The following CELF4 variants were observed in gnomAD, a reference collection of about 807,000 sequenced individuals.
CELF4 encodes the protein CUGBP Elav-like family member 4.
A neutral mutation model predicts 59.9 loss-of-function variants in CELF4; 18 were observed. The observed-to-expected ratio is 0.30, with a 90% CI of 0.21 to 0.45. The LOEUF is 0.45. CELF4 is among the 20% of genes least tolerant of loss of function. The pLI, the probability that CELF4 is intolerant of heterozygous loss-of-function variation, is 1.00. For synonymous variants in CELF4, 261 were observed against 267.1 expected (o/e 0.98, Z 0.22); for missense variants, 456 against 689.0 (o/e 0.66, Z 3.79).
intron 10 of CELF4, among the ~76,000 whole-genome samples, chr18:37,261,555 C>T (rs1287695791): frequency 6.6e-6 from 1 of 152,222 alleles, no homozygotes; most frequent in East Asian, 1.9e-4. Flanking sequence ...CTAACTCCAG[C>T]TACCGCCAAG....
At chr18:37,264,609 G>A in intron 10 of CELF4, 65 bp downstream of exon 10, 1 of 1,398,010 alleles carries the variant, frequency 7.2e-7, no homozygotes. Flanking sequence ...CCAAGGCCCA[G>A]GTGAGCAGCC....
At chr18:37,316,611 G>A (rs1385439799) in intron 3 of CELF4, among the ~76,000 whole-genome samples, 1 of 151,986 alleles carries the variant, frequency 6.6e-6, no homozygotes, top group Non-Finnish European at 1.5e-5. Context: ...TTAACTTTGT[G>A]TCCTCACTGT....
At chr18:37,376,775 C>T (rs1446505075) in intron 2 of CELF4, among the ~76,000 whole-genome samples, 2 of 152,228 alleles carry the variant, frequency 1.3e-5, no homozygotes, top group Non-Finnish European at 2.9e-5. Context: ...TCCTGTTTTC[C>T]TCTGGCCTGG....
chr18:37,271,605 G>A (rs1028425111), intron 7 of CELF4, among the ~76,000 whole-genome samples: 10 of 152,182 alleles, frequency 6.6e-5, no homozygotes, highest in Non-Finnish European at 1.5e-4. Context: ...AAGGCTGGAT[G>A]AGCTGGTCTT....
intron 2 of CELF4, among the ~76,000 whole-genome samples, chr18:37,390,039 A>G (rs1031448068): frequency 6.6e-6 from 1 of 152,202 alleles, no homozygotes; most frequent in African/African-American, 2.4e-5. Context: ...TGTCTCACCC[A>G]GGAGTGAAGG....
intron 2 of CELF4, among the ~76,000 whole-genome samples, chr18:37,392,469 G>A (rs2099173079): frequency 6.6e-6 from 1 of 152,160 alleles, no homozygotes; most frequent in Non-Finnish European, 1.5e-5. Context: ...CTGACCACTC[G>A]GATGAACTAG....
chr18:37,413,228 A>G (rs2099490566), intron 2 of CELF4, among the ~76,000 whole-genome samples: 1 of 152,116 alleles, frequency 6.6e-6, no homozygotes, highest in South Asian at 2.1e-4. Context: ...CTGTTTCTTC[A>G]TGTCTGTGTG....
intron 2 of CELF4, among the ~76,000 whole-genome samples, chr18:37,377,984 GC>G (rs1442774312): frequency 6.6e-6 from 1 of 152,196 alleles, no homozygotes; most frequent in Admixed American, 6.5e-5. Context: ...CCTGAGTCCA[GC>G]GGGGACCTTC....
intron 1 of CELF4, among the ~76,000 whole-genome samples, chr18:37,489,109 G>A (rs539854695): frequency 1.2e-4 from 19 of 152,334 alleles, no homozygotes; most frequent in East Asian, 7.7e-4. Flanking sequence ...AGGCGGGAGC[G>A]GCTGGATATA....
chr18:37,504,046 C>T (rs998634622), intron 1 of CELF4, among the ~76,000 whole-genome samples: 6 of 152,114 alleles, frequency 3.9e-5, no homozygotes, highest in Non-Finnish European at 8.8e-5. Context: ...TTAGAAGAGA[C>T]CTGGGCTAGA....
intron 2 of CELF4, among the ~76,000 whole-genome samples, chr18:37,343,941 T>G (rs2098152242): frequency 6.6e-6 from 1 of 152,178 alleles, no homozygotes; most frequent in South Asian, 2.1e-4. Flanking sequence ...CTGTTCCCTT[T>G]GCCAGGAATG....
At chr18:37,394,900 T>C (rs1433414977) in intron 2 of CELF4, among the ~76,000 whole-genome samples, 1 of 151,412 alleles carries the variant, frequency 6.6e-6, no homozygotes, top group African/African-American at 2.4e-5. Context: ...GGCAGGCCTG[T>C]CTGGTGGCCA....
chr18:37,353,185 C>T (rs914283696), intron 2 of CELF4, among the ~76,000 whole-genome samples: 4 of 142,188 alleles, frequency 2.8e-5, no homozygotes, highest in Admixed American at 7.8e-5. Context: ...TGCGCCACTG[C>T]ACTCCAGCCT....
chr18:37,275,433 G>A (rs2092983846), intron 3 of CELF4, among the ~76,000 whole-genome samples, 190 bp from the exon 4 acceptor site: 2 of 151,736 alleles, frequency 1.3e-5, no homozygotes, highest in Admixed American at 1.3e-4. Flanking sequence ...GAGGGGCGAG[G>A]GAGAGAAGTA....
intron 3 of CELF4, among the ~76,000 whole-genome samples, chr18:37,312,527 G>A (rs961222624): frequency 1.3e-5 from 2 of 152,194 alleles, no homozygotes; most frequent in African/African-American, 4.8e-5. Context: ...CAGGACATAC[G>A]CTTGGCACTG....
chr18:37,426,105 C>A (rs758531606), intron 2 of CELF4, among the ~76,000 whole-genome samples: 2 of 152,228 alleles, frequency 1.3e-5, no homozygotes, highest in African/African-American at 2.4e-5. Context: ...CCTTTCCCCC[C>A]AGTAGCACTG....
intron 2 of CELF4, among the ~76,000 whole-genome samples, chr18:37,384,008 T>C (rs1055518409): frequency 6.6e-6 from 1 of 152,218 alleles, no homozygotes; most frequent in Admixed American, 6.5e-5. Flanking sequence ...CCTGCTGCAC[T>C]GACGGCTCCT....
At chr18:37,270,534 A>G (rs1283956716) in intron 8 of CELF4, among the ~76,000 whole-genome samples, 1 of 152,176 alleles carries the variant, frequency 6.6e-6, no homozygotes, top group Non-Finnish European at 1.5e-5. Context: ...TGGAATGGGG[A>G]TCTGTCTCCC....
chr18:37,484,676 G>A (rs912267047), intron 2 of CELF4, among the ~76,000 whole-genome samples: 34 of 152,208 alleles, frequency 2.2e-4, no homozygotes, highest in African/African-American at 4.6e-4. Context: ...TCCCGCTGTG[G>A]GGTAGAAATG....
Sources: gnomAD v4.1 joint callset for allele counts (sites outside exome capture counted in the v4.1 genomes callset) on GRCh38, gnomAD v4.1.1 for gene constraint, MANE v1.5 for transcripts, NCBI Gene and HGNC (gene_info 2026-07-23, HGNC 2026-07-21) for gene names.